The following ENOX1 variants were observed in gnomAD, a reference collection of about 807,000 sequenced individuals.
ENOX1 encodes the protein ecto-NOX disulfide-thiol exchanger 1, also known as candidate growth-related and time keeping constitutive hydroquinone (NADH) oxidase.
ENOX1 carries 42 observed loss-of-function variants against 82.5 expected under a neutral mutation model. The observed-to-expected ratio is 0.51, with a 90% CI of 0.40 to 0.66. The LOEUF is 0.66. Ranked by LOEUF, ENOX1 falls within the 30% of genes least tolerant of loss-of-function variation. The pLI, the probability that ENOX1 is intolerant of heterozygous loss-of-function variation, is 0.00. For missense variants in ENOX1, 608 were observed against 811.6 expected (o/e 0.75, Z 3.05); for synonymous variants, 271 against 282.2 (o/e 0.96, Z 0.40).
At chr13:43,534,718 C>CAGG (rs1593681938) in intron 2 of ENOX1, among the ~76,000 whole-genome samples, 1 of 152,136 alleles carries the variant, frequency 6.6e-6, no homozygotes, top group African/African-American at 2.4e-5. Context: ...TTTTGCTCTC[C>CAGG]AGGAGACATG....
intron 2 of ENOX1, among the ~76,000 whole-genome samples, chr13:43,567,630 T>C (rs547858089): frequency 6.6e-6 from 1 of 152,250 alleles, no homozygotes; most frequent in South Asian, 2.1e-4. Context: ...TAAATGTTCA[T>C]AATTTAGAGG....
chr13:43,772,896 A>T (rs1037747861), intron 1 of ENOX1, among the ~76,000 whole-genome samples: 1 of 152,326 alleles, frequency 6.6e-6, no homozygotes, highest in East Asian at 1.9e-4. Context: ...CTATAATTTT[A>T]AAAACAACCT....
At chr13:43,317,000 C>T (rs945087709) in intron 11 of ENOX1, among the ~76,000 whole-genome samples, 2 of 152,328 alleles carry the variant, frequency 1.3e-5, no homozygotes, top group East Asian at 1.9e-4. Flanking sequence ...TGGACACACC[C>T]CACTGGTCTA....
chr13:43,287,959 A>T (rs2045793160), intron 12 of ENOX1, among the ~76,000 whole-genome samples: 2 of 152,158 alleles, frequency 1.3e-5, no homozygotes, highest in African/African-American at 4.8e-5. Context: ...CCTTCTTAGG[A>T]TGTACCAGGA....
intron 8 of ENOX1, among the ~76,000 whole-genome samples, chr13:43,347,718 C>G (rs1314353471): frequency 6.6e-6 from 1 of 152,182 alleles, no homozygotes; most frequent in Non-Finnish European, 1.5e-5. Context: ...TAAAGCTATT[C>G]ATGTGGAAAG....
At position 43,625,143 on chromosome 13, in the gene ENOX1, A is replaced by G. The variant is rs527404635; in HGVS notation, c.-219+42336T>C. Among the ~76,000 whole-genome samples, 15 of 152,160 alleles carry G rather than the reference A, an allele frequency of 9.9e-5. No homozygotes were observed. In the East Asian group the frequency reaches 2.5e-3, roughly 25 times the overall value. On this transcript the variant is annotated intron_variant, in intron 2 of 16. Coordinates refer to ENST00000690772, the MANE Select transcript of ENOX1 (RefSeq NM_001347969.2). Reference sequence around the variant, plus strand: ...TTTTAGAGCAATTGTAAATGGTATCATATTTTTCAATTTCTGTGTCAATGT... The same window carrying G: ...TTTTAGAGCAATTGTAAATGGTATCGTATTTTTCAATTTCTGTGTCAATGT...
intron 12 of ENOX1, among the ~76,000 whole-genome samples, chr13:43,279,414 A>C (rs7995026): frequency 0.17 from 25,623 of 152,104 alleles, 2,809 homozygotes; most frequent in East Asian, 0.6. Context: ...ACAACTGCCA[A>C]ATGAGGAATT....
At chr13:43,784,095 G>T (rs1952434478) in intron 1 of ENOX1, among the ~76,000 whole-genome samples, 1 of 152,048 alleles carries the variant, frequency 6.6e-6, no homozygotes, top group Non-Finnish European at 1.5e-5. Flanking sequence ...CCACCTTTTG[G>T]ACAAAAAGAA....
At chr13:43,738,197 C>T (rs2089724162) in intron 1 of ENOX1, among the ~76,000 whole-genome samples, 1 of 152,064 alleles carries the variant, frequency 6.6e-6, no homozygotes, top group South Asian at 2.1e-4. Context: ...GTACATAGTA[C>T]ATGATACCAC....
At position 43,453,290 on chromosome 13, in the gene ENOX1, G is replaced by A. The variant is rs373004250; in HGVS notation, c.-75+30719C>T. Among the ~76,000 whole-genome samples, 20 of 152,112 alleles carry A rather than the reference G, an allele frequency of 1.3e-4. No homozygotes were observed. The South Asian group carries it at 1.7e-3, about 13-fold the overall frequency. On this transcript the variant is annotated intron_variant, in intron 3 of 16. Coordinates refer to ENST00000690772, the MANE Select transcript of ENOX1 (RefSeq NM_001347969.2). The stretch of plus-strand genomic sequence containing the variant: ...CTTACAAGCTTTCCACATTCCCCAC[G>A]AAGGAAGTACTAGCAAACTTTTAGG...
At chr13:43,288,529 T>C (rs1211331443) in intron 12 of ENOX1, among the ~76,000 whole-genome samples, 1 of 152,188 alleles carries the variant, frequency 6.6e-6, no homozygotes, top group African/African-American at 2.4e-5. Flanking sequence ...TTTGACTACT[T>C]GTACATGAGA....
chr13:43,272,143 C>T (rs768820907), intron 12 of ENOX1, among the ~76,000 whole-genome samples: 31 of 152,110 alleles, frequency 2.0e-4, no homozygotes, highest in Non-Finnish European at 4.0e-4. Flanking sequence ...ATGTGCAGAA[C>T]GTGTAGGTTT....
chr13:43,361,468 G>T lies in ENOX1; in HGVS notation c.209-16C>A. On this transcript the variant is annotated splice_polypyrimidine_tract_variant and intron_variant, in intron 5 of 16. Transcript: ENST00000690772. ...CAGATTGAGTCTGTAAAGTATACAA[G>T]ATAACATTTTGACTGGAGATTAAAT... 1 of 1,585,472 alleles carries T rather than the reference G, an allele frequency of 6.3e-7. No homozygotes were observed. The highest frequency in any genetic ancestry group is 1.2e-5 in the South Asian group (1 of 84,816).
rs2077539317 is a variant in ENOX1, at chr13:43,515,826, C to T, written c.-218-31674G>A. Among the ~76,000 whole-genome samples, 5 of 152,174 alleles carry T rather than the reference C, an allele frequency of 3.3e-5. No individual in the cohort carries two copies. In the South Asian group the frequency reaches 8.3e-4, roughly 25 times the overall value. ...TTCCTCCAGGATGTCCTGCTCCATA[C>T]TCCAATGCCTTCACAGCTGTTCTCC... On this transcript the variant is annotated intron_variant, in intron 2 of 16. Transcript: ENST00000690772.
chr13:43,272,454 C>T (rs1361988979), intron 12 of ENOX1, among the ~76,000 whole-genome samples: 1 of 152,166 alleles, frequency 6.6e-6, no homozygotes, highest in Non-Finnish European at 1.5e-5. Context: ...TGTGTAAGAG[C>T]TGCTGTGCTC....
chr13:43,414,881 G>C (rs188598069), intron 3 of ENOX1, among the ~76,000 whole-genome samples: 12 of 152,208 alleles, frequency 7.9e-5, no homozygotes, highest in African/African-American at 2.9e-4. Flanking sequence ...CTCATGACTT[G>C]TGCCTGACCC....
chr13:43,544,389 T>A (rs1232066397), intron 2 of ENOX1: 1 of 152,134 alleles, frequency 6.6e-6, no homozygotes, highest in Non-Finnish European at 1.5e-5. Flanking sequence ...CTAAATGATA[T>A]TTTGAATTAT....
At chr13:43,394,002 A>G (rs2052973745) in intron 5 of ENOX1, among the ~76,000 whole-genome samples, 1 of 152,126 alleles carries the variant, frequency 6.6e-6, no homozygotes, top group Admixed American at 6.5e-5. Flanking sequence ...CTCTCTTGCT[A>G]TGTGGGCATA....
intron 1 of ENOX1, among the ~76,000 whole-genome samples, chr13:43,717,842 C>G (rs1043717364): frequency 1.4e-4 from 21 of 152,122 alleles, no homozygotes; most frequent in Non-Finnish European, 2.9e-4. Context: ...GAGATACCAT[C>G]CCATACCAGT....
Sources: gnomAD v4.1 joint callset for allele counts (sites outside exome capture counted in the v4.1 genomes callset) on GRCh38, gnomAD v4.1.1 for gene constraint, MANE v1.5 for transcripts, NCBI Gene and HGNC (gene_info 2026-07-23, HGNC 2026-07-21) for gene names.